Variants in ATR observed in about 807,000 individuals in gnomAD.
ATR encodes the protein serine/threonine-protein kinase ATR.
ATR carries 142 observed loss-of-function variants against 305.3 expected under a neutral mutation model. That is an observed-to-expected ratio of 0.47 (90% confidence interval 0.41 to 0.53). ATR has a LOEUF of 0.53. ATR is among the 20% of genes least tolerant of loss of function. The pLI is 0.00. For synonymous variants in ATR, 1,050 were observed against 1,068.1 expected (o/e 0.98, Z 0.33); for missense variants, 2,135 against 3,133.1 (o/e 0.68, Z 7.60).
In ATR at chr3:142,467,946, C is replaced by A. The variant is rs2071168591; in HGVS notation, c.6675G>T (p.Leu2225Phe). The A allele has an allele frequency of 1.2e-6, 2 of 1,612,664 alleles. No individual in the cohort carries two copies. The highest frequency in any genetic ancestry group is 1.7e-6 in the Non-Finnish European group (2 of 1,179,366). ...ATTATGATAGTACCGGTTTATTGCA[C>A]AATTCTAGAAGCTTATCTGTTAGGC... ...ATRLTDKLLE[L>F]CNKPVDGSSS... Residue 2225 changes from leucine to phenylalanine, a missense_variant, in exon 39 of 47, where the codon TTG becomes TTT. By Grantham distance (22) the Leu-to-Phe change is conservative. This residue lies in a region of ATR where 462 missense variants were observed against 887.6 expected (regional missense o/e 0.52). Coordinates refer to ENST00000350721, the MANE Select transcript of ATR (RefSeq NM_001184.4).
intron 1 of ATR, among the ~76,000 whole-genome samples, chr3:142,573,827 C>T (rs764474162): frequency 6.6e-6 from 1 of 152,246 alleles, no homozygotes; most frequent in East Asian, 1.9e-4. Flanking sequence ...TTAGACTAGC[C>T]GCATGTGAGG....
At chr3:142,468,185 C>A in intron 38 of ATR, 117 bp from the exon 39 acceptor site, 2 of 1,255,238 alleles carry the variant, frequency 1.6e-6, no homozygotes, top group South Asian at 1.3e-5. Flanking sequence ...TTATATGATA[C>A]AAATTTTCTG....
At chr3:142,551,829 T>C (rs1577681357) in intron 13 of ATR, among the ~76,000 whole-genome samples, 1 of 152,162 alleles carries the variant, frequency 6.6e-6, no homozygotes, top group African/African-American at 2.4e-5. Context: ...ATAGGATCTA[T>C]TTAAACTCAA....
intron 27 of ATR, among the ~76,000 whole-genome samples, chr3:142,509,788 G>A (rs1293911316): frequency 6.6e-6 from 1 of 151,770 alleles, no homozygotes. Context: ...TAAAGGTATT[G>A]TACTTTTGAA....
chr3:142,485,370 G>A (rs2108312250), intron 35 of ATR, 88 bp from the exon 36 acceptor site: 2 of 1,483,568 alleles, frequency 1.3e-6, no homozygotes, highest in Non-Finnish European at 1.8e-6. Flanking sequence ...GGGATCAAAA[G>A]TATGTGACCT....
intron 29 of ATR, among the ~76,000 whole-genome samples, chr3:142,503,880 A>G (rs924243283): frequency 1.3e-5 from 2 of 152,230 alleles, no homozygotes; most frequent in African/African-American, 4.8e-5. Context: ...TTCACATCCA[A>G]TATAAAAAGT....
intron 35 of ATR, among the ~76,000 whole-genome samples, chr3:142,492,281 C>T (rs1190279750): frequency 1.3e-5 from 2 of 152,136 alleles, no homozygotes; most frequent in African/African-American, 2.4e-5. Context: ...CTGAATAACT[C>T]TCAATCCTGT....
intron 13 of ATR, among the ~76,000 whole-genome samples, chr3:142,550,937 G>A (rs988772867): frequency 8.6e-5 from 13 of 151,936 alleles, no homozygotes; most frequent in Non-Finnish European, 1.3e-4. Context: ...ACAGATGCCC[G>A]CCCCATGCCC....
In ATR at chr3:142,549,636, T is replaced by C. The variant is rs749139052; in HGVS notation, c.3014A>G (p.Lys1005Arg). 1.9e-5 allele frequency: 30 copies of C among 1,613,596 alleles called. No individual in the cohort carries two copies. Among genetic ancestry groups the C allele is most frequent in the Non-Finnish European group, 2.5e-5 (29 of 1,179,810 alleles). Residue 1005 changes from lysine (K) to arginine (R), a missense_variant, in exon 15 of 47, where the codon AAA (lysine) becomes AGA (arginine). This residue lies in a region of ATR where 530 missense variants were observed against 766.8 expected (regional missense o/e 0.69). Coordinates refer to ENST00000350721, the MANE Select transcript of ATR (RefSeq NM_001184.4). ...LQVLLPDLAAKASPAASALIR... is the reference protein window; with the variant it reads ...LQVLLPDLAARASPAASALIR... ...GAGAGCAGAAGCTGCAGGGCTTGCT[T>C]TGGCAGCAAGATCAGGTAGTAGAAC... is the stretch of plus-strand genomic sequence containing the variant.
intron 24 of ATR, among the ~76,000 whole-genome samples, chr3:142,519,156 G>A (rs1244647665): frequency 6.6e-6 from 1 of 152,012 alleles, no homozygotes; most frequent in Non-Finnish European, 1.5e-5. Context: ...AAATTTATCT[G>A]AATATTTAAA....
chr3:142,539,744 C>A (rs180858227), intron 18 of ATR, among the ~76,000 whole-genome samples: 2 of 152,086 alleles, frequency 1.3e-5, no homozygotes, highest in Non-Finnish European at 2.9e-5. Flanking sequence ...CAGATACGCA[C>A]AATCATGCCC....
At chr3:142,459,659 T>C (rs533652554) in intron 42 of ATR, among the ~76,000 whole-genome samples, 44 of 152,154 alleles carry the variant, frequency 2.9e-4, no homozygotes, top group African/African-American at 7.9e-4. Context: ...CAACCAAACA[T>C]GGATCAAAAA....
intron 45 of ATR, among the ~76,000 whole-genome samples, chr3:142,454,956 G>A (rs2070873603): frequency 6.6e-6 from 1 of 152,140 alleles, no homozygotes; most frequent in African/African-American, 2.4e-5. Context: ...AAAAGGCATT[G>A]ATATTAAAAA....
At chr3:142,567,445 T>A (rs2035112117) in intron 2 of ATR, among the ~76,000 whole-genome samples, 1 of 152,176 alleles carries the variant, frequency 6.6e-6, no homozygotes, top group South Asian at 2.1e-4. Context: ...AAAGAAAGGA[T>A]TAATGGCTAG....
chr3:142,565,112 C>T (rs1233953980), intron 3 of ATR, among the ~76,000 whole-genome samples: 1 of 152,050 alleles, frequency 6.6e-6, no homozygotes, highest in African/African-American at 2.4e-5. Flanking sequence ...TCATAACCCA[C>T]TAGTGGGTTA....
chr3:142,558,967 T>C (rs2034781293), intron 7 of ATR, 191 bp from the exon 8 acceptor site: 1 of 642,910 alleles, frequency 1.6e-6, no homozygotes, highest in Non-Finnish European at 2.6e-6. Flanking sequence ...TATAAAAACA[T>C]GTTATCTATG....
At chr3:142,552,114 T>C (rs1577681833) in intron 13 of ATR, among the ~76,000 whole-genome samples, 1 of 151,922 alleles carries the variant, frequency 6.6e-6, no homozygotes, top group East Asian at 1.9e-4. Context: ...GCCAGCAGAA[T>C]GGCTATTATT....
chr3:142,499,295 CTT>C (rs535115635), intron 31 of ATR: 403 of 252,898 alleles, frequency 1.6e-3, no homozygotes, highest in Middle Eastern at 5.1e-3. Context: ...ATTAAAACCG[CTT>C]TTTTTTTTTT....
chr3:142,522,893 C>A, intron 22 of ATR, 52 bp from the exon 23 acceptor site: 1 of 1,315,560 alleles, frequency 7.6e-7, no homozygotes, highest in South Asian at 1.2e-5. Flanking sequence ...TATAAATTTT[C>A]TTAGGTGTAC....
Sources: allele counts gnomAD v4.1 joint callset (sites outside exome capture counted in the v4.1 genomes callset), GRCh38; gene constraint gnomAD v4.1.1; regional missense constraint gnomAD v4.1.1; transcripts MANE v1.5; gene names NCBI Gene and HGNC (gene_info 2026-07-23, HGNC 2026-07-21).